DPP10: variants seen among roughly 807,000 people sequenced by gnomAD.
DPP10 encodes the protein dipeptidyl peptidase like 10.
DPP10 carries 33 observed loss-of-function variants against 120.9 expected under a neutral mutation model. The ratio of observed to expected loss-of-function variants is 0.27; its 90% CI spans 0.21 to 0.37. The LOEUF (loss-of-function observed/expected upper bound fraction) is 0.37, where lower values mean the gene tolerates loss of function less well. Ranked by LOEUF, DPP10 falls within the 10% of genes least tolerant of loss-of-function variation. The probability of loss-of-function intolerance (pLI) is 1.00; values close to 1 mark genes in which losing one functional copy is unlikely to be tolerated. For missense variants in DPP10, 816 were observed against 942.8 expected (o/e 0.87, Z 1.76); for synonymous variants, 337 against 326.1 (o/e 1.03, Z -0.36).
intron 1 of DPP10, among the ~76,000 whole-genome samples, chr2:114,617,080 T>C (rs1350978920): frequency 5.9e-5 from 9 of 152,094 alleles, no homozygotes; most frequent in Admixed American, 5.9e-4. Flanking sequence ...ATAAGACAAC[T>C]GACTGGTTAC....
intron 5 of DPP10, among the ~76,000 whole-genome samples, chr2:115,605,625 A>G (rs2083655101): frequency 6.6e-6 from 1 of 152,056 alleles, no homozygotes; most frequent in Non-Finnish European, 1.5e-5. Context: ...AACATGAGCA[A>G]ATTTCTATTA....
chr2:114,525,836 A>C (rs1054646143), intron 1 of DPP10, among the ~76,000 whole-genome samples: 1 of 152,212 alleles, frequency 6.6e-6, no homozygotes, highest in Non-Finnish European at 1.5e-5. Context: ...CAAATTTATT[A>C]GTCTTTCTAG....
intron 1 of DPP10, among the ~76,000 whole-genome samples, chr2:114,484,853 G>T (rs1464713894): frequency 6.6e-6 from 1 of 151,770 alleles, no homozygotes; most frequent in Non-Finnish European, 1.5e-5. Flanking sequence ...ATGTCTTCAG[G>T]TATAGAGGTT....
intron 1 of DPP10, among the ~76,000 whole-genome samples, chr2:114,612,120 C>G (rs1239666878): frequency 6.6e-6 from 1 of 152,156 alleles, no homozygotes; most frequent in Non-Finnish European, 1.5e-5. Flanking sequence ...ATCAACGTCT[C>G]CCTCCACTGG....
intron 1 of DPP10, among the ~76,000 whole-genome samples, chr2:114,886,475 T>C (rs759634340): frequency 3.3e-5 from 5 of 152,222 alleles, no homozygotes; most frequent in African/African-American, 7.2e-5. Context: ...GCCTACAAGA[T>C]AGATTCACTT....
intron 4 of DPP10, among the ~76,000 whole-genome samples, chr2:115,505,874 A>G (rs2076912620): frequency 6.6e-6 from 1 of 152,112 alleles, no homozygotes; most frequent in Non-Finnish European, 1.5e-5. Context: ...GAGCTGATGA[A>G]TATGTTAATT....
chr2:114,602,388 C>T (rs993667207), intron 1 of DPP10, among the ~76,000 whole-genome samples: 1 of 151,484 alleles, frequency 6.6e-6, no homozygotes, highest in African/African-American at 2.4e-5. Context: ...TAGTATATAA[C>T]CTTAGAAACT....
intron 1 of DPP10, among the ~76,000 whole-genome samples, chr2:114,832,025 A>G (rs912789315): frequency 2.0e-5 from 3 of 151,786 alleles, no homozygotes; most frequent in African/African-American, 7.2e-5. Context: ...CATTTAAATG[A>G]GTGACATCTT....
intron 1 of DPP10, among the ~76,000 whole-genome samples, chr2:115,179,447 G>A (rs982413045): frequency 3.9e-5 from 6 of 151,994 alleles, no homozygotes; most frequent in South Asian, 2.1e-4. Flanking sequence ...CTTATATACC[G>A]TGGGATAAGC....
intron 1 of DPP10, among the ~76,000 whole-genome samples, chr2:114,481,868 G>GGAGAGA (rs751648693): frequency 6.7e-6 from 1 of 148,860 alleles, no homozygotes; most frequent in African/African-American, 2.5e-5. Flanking sequence ...TTCTTCACAA[G>GGAGAGA]GAGAGAGAGA....
intron 3 of DPP10, among the ~76,000 whole-genome samples, chr2:115,463,715 C>T (rs887989840): frequency 6.6e-6 from 1 of 152,090 alleles, no homozygotes; most frequent in Non-Finnish European, 1.5e-5. Context: ...ATTCAAGTAT[C>T]CCTTTAGGCA....
At chr2:115,603,350 A>G (rs7419743) in intron 5 of DPP10, among the ~76,000 whole-genome samples, 24,716 of 110,958 alleles carry the variant, frequency 0.22, 3,065 homozygotes, top group East Asian at 0.43. Context: ...CACCCCCCCA[A>G]AAAGAAACAA....
chr2:115,297,823 T>A (rs2060956375), intron 1 of DPP10, among the ~76,000 whole-genome samples: 1 of 152,064 alleles, frequency 6.6e-6, no homozygotes, highest in African/African-American at 2.4e-5. Flanking sequence ...TTAAAGATGA[T>A]GGTCTGCCTT....
chr2:115,800,866 C>T (rs201934523), intron 19 of DPP10, among the ~76,000 whole-genome samples: 32,035 of 150,194 alleles, frequency 0.21, 4,020 homozygotes, highest in East Asian at 0.55. Context: ...AGTCAGGTAG[C>T]GTGATGCCTC....
At chr2:115,215,490 T>C in intron 1 of DPP10, among the ~76,000 whole-genome samples, 1 of 152,206 alleles carries the variant, frequency 6.6e-6, no homozygotes. Flanking sequence ...CACATGTCTA[T>C]TATTATTTAA....
At chr2:115,067,541 C>T (rs1380031720) in intron 1 of DPP10, among the ~76,000 whole-genome samples, 4 of 147,438 alleles carry the variant, frequency 2.7e-5, no homozygotes, top group Non-Finnish European at 4.5e-5. Flanking sequence ...CGTGAGCCAC[C>T]GCGCCCAGCC....
intron 1 of DPP10, among the ~76,000 whole-genome samples, chr2:115,205,349 A>G (rs777536778): frequency 1.2e-4 from 19 of 152,164 alleles, no homozygotes; most frequent in Non-Finnish European, 2.2e-4. Context: ...TGAGAAGGGA[A>G]TTTTTTCTTT....
chr2:115,146,776 G>T (rs1206947326), intron 1 of DPP10, among the ~76,000 whole-genome samples: 1 of 152,060 alleles, frequency 6.6e-6, no homozygotes, highest in Non-Finnish European at 1.5e-5. Context: ...GCCCTGAGTG[G>T]AATTACTGTT....
intron 5 of DPP10, among the ~76,000 whole-genome samples, chr2:115,531,163 T>C (rs1481360740): frequency 6.6e-6 from 1 of 151,778 alleles, no homozygotes; most frequent in Non-Finnish European, 1.5e-5. Context: ...TTTTTTTTTT[T>C]CCTGAAACAG....
Sources: gnomAD v4.1 joint callset for allele counts (sites outside exome capture counted in the v4.1 genomes callset) on GRCh38, gnomAD v4.1.1 for gene constraint, MANE v1.5 for transcripts, NCBI Gene and HGNC (gene_info 2026-07-23, HGNC 2026-07-21) for gene names.